The following DKK2 variants were observed in gnomAD, a reference collection of about 807,000 sequenced individuals.
DKK2 encodes dickkopf-related protein 2.
DKK2 carries 11 observed loss-of-function variants against 28.1 expected under a neutral mutation model. The ratio of observed to expected loss-of-function variants is 0.39; its 90% CI spans 0.25 to 0.65. The LOEUF (loss-of-function observed/expected upper bound fraction) is 0.65. DKK2 is among the 30% of genes least tolerant of loss of function. DKK2 has a pLI of 0.47. For synonymous variants in DKK2, 135 were observed against 126.5 expected (o/e 1.07, Z -0.45); for missense variants, 326 against 335.5 (o/e 0.97, Z 0.22).
At chr4:106,991,434 A>G (rs939699685) in intron 1 of DKK2, among the ~76,000 whole-genome samples, 1 of 152,144 alleles carries the variant, frequency 6.6e-6, no homozygotes, top group Non-Finnish European at 1.5e-5. Context: ...ACATAGCACC[A>G]TGAGGTGATT....
intron 1 of DKK2, among the ~76,000 whole-genome samples, chr4:106,936,782 A>G (rs1724596413): frequency 6.6e-6 from 1 of 152,178 alleles, no homozygotes. Context: ...CAGAAACCCT[A>G]CAAGCCAGAA....
intron 1 of DKK2, among the ~76,000 whole-genome samples, chr4:106,982,313 G>A (rs1362625203): frequency 6.6e-6 from 1 of 152,136 alleles, no homozygotes. Context: ...GAGAGAGGGG[G>A]AAGAAAGAAG....
At chr4:106,933,267 A>C (rs141496593) in intron 1 of DKK2, among the ~76,000 whole-genome samples, 195 of 152,318 alleles carry the variant, frequency 1.3e-3, no homozygotes, top group African/African-American at 4.4e-3. Flanking sequence ...GTCTGTATAA[A>C]ATGCAACTCA....
At chr4:106,947,551 A>C (rs372596563) in intron 1 of DKK2, among the ~76,000 whole-genome samples, 13 of 152,096 alleles carry the variant, frequency 8.5e-5, no homozygotes, top group Non-Finnish European at 1.6e-4. Flanking sequence ...GCCTTCCCAT[A>C]AACTCATATC....
chr4:106,933,548 T>C (rs1482299980), intron 1 of DKK2, among the ~76,000 whole-genome samples: 1 of 152,194 alleles, frequency 6.6e-6, no homozygotes, highest in Non-Finnish European at 1.5e-5. Context: ...TATGGCTGGA[T>C]TGTTTCATAT....
chr4:107,004,393 A>T (rs575892578), intron 1 of DKK2, among the ~76,000 whole-genome samples: 1 of 152,220 alleles, frequency 6.6e-6, no homozygotes, highest in Non-Finnish European at 1.5e-5. Context: ...ATTCACAATA[A>T]TGTCTTCCTA....
rs530751998 is a variant in DKK2, at chr4:106,977,862, A to G, written c.223-51913T>C. Among the ~76,000 whole-genome samples the G allele has an allele frequency of 2.6e-5, 4 of 152,310 alleles. No homozygotes were observed. The South Asian group carries it at 8.3e-4, about 32-fold the overall frequency. On this transcript the variant is annotated intron_variant, in intron 1 of 3. Transcript: ENST00000285311. ...TGCCTTTTTGCGCTGGGTTTTCCTC[A>G]TCATCATGGATTTATCTACCTTTGG...
chr4:107,026,639 C>A (rs1723784682), intron 1 of DKK2, among the ~76,000 whole-genome samples: 1 of 152,126 alleles, frequency 6.6e-6, no homozygotes, highest in South Asian at 2.1e-4. Flanking sequence ...TGAAACAGAC[C>A]AGAGCACAGA....
At chr4:107,009,330 G>A (rs1160208717) in intron 1 of DKK2, among the ~76,000 whole-genome samples, 2 of 151,938 alleles carry the variant, frequency 1.3e-5, no homozygotes, top group Non-Finnish European at 2.9e-5. Context: ...AAATGTAAAG[G>A]TAATGTTGCA....
At chr4:106,935,380 T>A (rs2110341553) in intron 1 of DKK2, among the ~76,000 whole-genome samples, 1 of 152,286 alleles carries the variant, frequency 6.6e-6, no homozygotes, top group African/African-American at 2.4e-5. Flanking sequence ...ATCGGGTCAC[T>A]CCCACCCGAA....
chr4:106,962,489 C>CTGTG (rs1332862831), intron 1 of DKK2, among the ~76,000 whole-genome samples: 4 of 113,124 alleles, frequency 3.5e-5, no homozygotes, highest in Admixed American at 2.0e-4. Flanking sequence ...GCCAGAAAAA[C>CTGTG]TATGTGTGTG....
At chr4:107,003,444 T>C (rs1723391949) in intron 1 of DKK2, among the ~76,000 whole-genome samples, 1 of 152,244 alleles carries the variant, frequency 6.6e-6, no homozygotes, top group African/African-American at 2.4e-5. Context: ...AAGACTGGTC[T>C]CTAATTTGCA....
At chr4:106,950,674 T>C (rs567700445) in intron 1 of DKK2, among the ~76,000 whole-genome samples, 8 of 152,330 alleles carry the variant, frequency 5.3e-5, no homozygotes, top group African/African-American at 1.9e-4. Context: ...GAGCACAAGT[T>C]CTCTGTCTTT....
intron 1 of DKK2, among the ~76,000 whole-genome samples, chr4:106,978,112 G>A (rs1413364802): frequency 6.6e-6 from 1 of 152,194 alleles, no homozygotes; most frequent in Non-Finnish European, 1.5e-5. Context: ...TCCTTTGGAA[G>A]CTTCATTCTA....
At chr4:106,974,778 G>A (rs1553922690) in intron 1 of DKK2, among the ~76,000 whole-genome samples, 1 of 152,106 alleles carries the variant, frequency 6.6e-6, no homozygotes, top group African/African-American at 2.4e-5. Flanking sequence ...TCAATACTAT[G>A]TTGACTAGGA....
chr4:106,932,753 G>A (rs1578346525), intron 1 of DKK2, among the ~76,000 whole-genome samples: 2 of 152,198 alleles, frequency 1.3e-5, no homozygotes, highest in Admixed American at 1.3e-4. Context: ...CAAAAGAGAG[G>A]AAGAAACTGC....
intron 1 of DKK2, among the ~76,000 whole-genome samples, chr4:106,953,393 A>T (rs1423206364): frequency 6.6e-6 from 1 of 152,192 alleles, no homozygotes; most frequent in East Asian, 1.9e-4. Flanking sequence ...CACCCTTCTG[A>T]TGTAAACTCT....
At position 106,924,754 on chromosome 4, in the gene DKK2, C is replaced by T. The variant is rs958156862; in HGVS notation, c.374-54G>A. 4.6e-6 allele frequency: 7 copies of T among 1,536,178 alleles called. No homozygotes were observed. In the African/African-American group the frequency reaches 6.8e-5, roughly 15 times the overall value. ...TAATTCAATTCTATGAAATGTGATA[C>T]TTATCCACATACTCTCTTGATGTGA... On this transcript the variant is annotated intron_variant, in intron 2 of 3. Coordinates refer to ENST00000285311, the MANE Select transcript of DKK2 (RefSeq NM_014421.3).
chr4:107,036,260 G>C lies in DKK2; in HGVS notation c.-669C>G, dbSNP rs1003210255. On this transcript the variant is annotated 5_prime_UTR_variant, in exon 1 of 4. Coordinates refer to ENST00000285311, the MANE Select transcript of DKK2 (RefSeq NM_014421.3). ...ATCGCTGCCAGCGCAGCGATGCCTA[G>C]GGAGCGGACTTGCGCTACGCTCGCC... The C allele has an allele frequency of 6.6e-6, 1 of 152,392 alleles. No homozygotes were observed. The highest frequency in any genetic ancestry group is 2.4e-5 in the African/African-American group (1 of 41,432). 9.4% of individuals were successfully genotyped at this position (152,392 alleles called of 1,614,324 possible). A position where few individuals can be genotyped will look rare whatever the true frequency, so the allele number is the denominator to read the frequency against.
Sources: gnomAD v4.1 joint callset for allele counts (sites outside exome capture counted in the v4.1 genomes callset) on GRCh38, gnomAD v4.1.1 for gene constraint, MANE v1.5 for transcripts, NCBI Gene and HGNC (gene_info 2026-07-23, HGNC 2026-07-21) for gene names.